Variants in REG3G observed in about 807,000 individuals in gnomAD.
REG3G encodes the protein regenerating family member 3 gamma.
In REG3G, 19 loss-of-function variants were observed where a neutral mutation model predicts 20.9. The observed-to-expected ratio is 0.91, with a 90% confidence interval of 0.64 to 1.34. The LOEUF is 1.34. Ranked by LOEUF, REG3G falls within the 40% of genes most tolerant of loss-of-function variation. The probability of loss-of-function intolerance (pLI) is 0.00; values close to 1 mark genes in which losing one functional copy is unlikely to be tolerated. For synonymous variants in REG3G, 89 were observed against 77.4 expected (o/e 1.15, Z -0.79); for missense variants, 235 against 205.0 (o/e 1.15, Z -0.89).
intron 4 of REG3G, 33 bp downstream of exon 4, chr2:79,027,204 T>C: frequency 6.2e-7 from 1 of 1,610,404 alleles, no homozygotes; most frequent in Non-Finnish European, 8.5e-7. Flanking sequence ...CTGTTACCTC[T>C]CAAGGTACTG....
At chr2:79,026,190 G>T (rs766265076) in intron 2 of REG3G, 21 bp downstream of exon 2, 1 of 1,612,412 alleles carries the variant, frequency 6.2e-7, no homozygotes, top group East Asian at 2.2e-5. Context: ...TCTGCCTCTA[G>T]CACTGGGTTC....
In REG3G at chr2:79,027,072, T is replaced by C. The variant is rs1422407653; in HGVS notation, c.234T>C (p.Ser78=). The stretch of plus-strand genomic sequence containing the variant: ...AGCGGCCCTCTGGAAAACTGGTGTC[T>C]GTGCTCAGTGGGGCTGAGGGATCCT... ...CQKRPSGKLV[S]VLSGAEGSFV... Residue 78 remains serine (S), a synonymous_variant, in exon 4 of 6, where the codon TCT becomes TCC. Transcript: ENST00000272324. 1.2e-6 allele frequency: 2 copies of C among 1,614,006 alleles called. No individual in the cohort carries two copies. Among genetic ancestry groups the C allele is most frequent in the Non-Finnish European group, 1.7e-6 (2 of 1,180,000 alleles).
intron 4 of REG3G, 47 bp downstream of exon 4, chr2:79,027,218 T>C: frequency 1.9e-6 from 3 of 1,599,778 alleles, no homozygotes; most frequent in South Asian, 1.1e-5. Flanking sequence ...GGTACTGTTG[T>C]TGCCCAGGCG....
Position 79,026,175 on chromosome 2 carries a change from AT to A in REG3G, c.76+9del. 1.2e-6 allele frequency: 2 copies of A among 1,613,696 alleles called. No individual in the cohort carries two copies. The highest frequency in any genetic ancestry group is 1.7e-6 in the Non-Finnish European group (2 of 1,179,736). ...TCTCCTGTGTCAGGTTCAAGGTGAG[AT>A]TTCTCTGCCTCTAGCACTGGGTTCC... On this transcript the variant is annotated splice_region_variant and intron_variant, in intron 2 of 5. Coordinates refer to ENST00000272324, the MANE Select transcript of REG3G (RefSeq NM_001008387.3).
chr2:79,027,242 C>A lies in REG3G; in HGVS notation c.333+71C>A, dbSNP rs185941694. ...GTTGCCCAGGCGCACTCCCTGTCCC[C>A]AGTCCCTGCCCAGGAAGTACTTTAG... On this transcript the variant is annotated intron_variant, in intron 4 of 5. Coordinates refer to ENST00000272324, the MANE Select transcript of REG3G (RefSeq NM_001008387.3). 3.1e-3 allele frequency: 4,736 copies of A among 1,513,438 alleles called. 11 individuals carry two copies. The highest frequency in any genetic ancestry group is 5.9e-3 in the Middle Eastern group (33 of 5,640). The allele number at this position is 1,513,438 out of a possible 1,614,324, so 93.8% of individuals were successfully genotyped here.
rs1671680925 is a variant in REG3G at position 79,028,406 on chromosome 2, CCTT to C, written c.*134_*136del. The C allele has an allele frequency of 1.7e-6, 1 of 605,504 alleles. No homozygotes were observed. The highest frequency in any genetic ancestry group is 2.7e-5 in the East Asian group (1 of 36,532). 37.5% of individuals were successfully genotyped at this position (605,504 alleles called of 1,614,324 possible). ...TACCTGACTACCTTGTCATGATCCT[CCTT>C]CTTTTTCCTTTTTCTTCACCTTCAT... On this transcript the variant is annotated 3_prime_UTR_variant, in exon 6 of 6. Transcript: ENST00000272324.
chr2:79,026,022 G>C lies in REG3G; in HGVS notation c.-72G>C, dbSNP rs547340066. ...AGAAGGAAAAAGACAAGAGGCAGTAGGATATCTGTGTGTCCTCCCGCTGAC... is the reference window on the plus strand; with the variant it reads ...AGAAGGAAAAAGACAAGAGGCAGTACGATATCTGTGTGTCCTCCCGCTGAC... On this transcript the variant is annotated 5_prime_UTR_variant, in exon 2 of 6. Transcript: ENST00000272324. The C allele has an allele frequency of 6.3e-5, 90 of 1,425,914 alleles. No homozygotes were observed. In the African/African-American group the frequency reaches 1.2e-3, roughly 19 times the overall value. 88.3% of individuals were successfully genotyped at this position (1,425,914 alleles called of 1,614,324 possible).
Position 79,027,904 on chromosome 2 carries a change from G to C in REG3G, c.431G>C (p.Gly144Ala). The change falls in exon 5 of 6, where the codon GGC (glycine) becomes GCC (alanine). Residue 144 changes from glycine (G) to alanine (A), a missense_variant. By Grantham distance (60) the Gly-to-Ala change is moderately conservative. Transcript: ENST00000272324. ...AATCCCTCCACCATCTTAAACCCTGGCCACTGTGGGAGCCTGTCAAGAAGC... is the reference window on the plus strand; with the variant it reads ...AATCCCTCCACCATCTTAAACCCTGCCCACTGTGGGAGCCTGTCAAGAAGC... ...EKNPSTILNP[G>A]HCGSLSRSTG... is the part of the protein sequence containing the mutation. 6.2e-7 allele frequency: 1 copy of C among 1,614,004 alleles called. No individual in the cohort carries two copies. The highest frequency in any genetic ancestry group is 8.5e-7 in the Non-Finnish European group (1 of 1,179,968).
intron 4 of REG3G, 105 bp from the exon 5 acceptor site, chr2:79,027,702 A>G (rs755309010): frequency 7.2e-6 from 10 of 1,393,524 alleles, no homozygotes; most frequent in Non-Finnish European, 1.0e-5. Flanking sequence ...AGATCAGACC[A>G]AAATCCCTGA....
chr2:79,028,387 A>G lies in REG3G; in HGVS notation c.*111A>G, dbSNP rs1474634812. On this transcript the variant is annotated 3_prime_UTR_variant, in exon 6 of 6. Coordinates refer to ENST00000272324, the MANE Select transcript of REG3G (RefSeq NM_001008387.3). The stretch of plus-strand genomic sequence containing the variant: ...TATTCTCCCCAAACTGCCCTACCTG[A>G]CTACCTTGTCATGATCCTCCTTCTT... 6 of 717,322 alleles carry G rather than the reference A, an allele frequency of 8.4e-6. No homozygotes were observed. Among genetic ancestry groups the G allele is most frequent in the Non-Finnish European group, 1.5e-5 (6 of 399,262 alleles). 44.4% of individuals were successfully genotyped at this position (717,322 alleles called of 1,614,324 possible). A position where few individuals can be genotyped will look rare whatever the true frequency, so the allele number is the denominator to read the frequency against.
chr2:79,027,688 TG>T, intron 4 of REG3G, 118 bp from the exon 5 acceptor site: 1 of 1,162,822 alleles, frequency 8.6e-7, no homozygotes, highest in Non-Finnish European at 1.2e-6. Flanking sequence ...GGGCAGCATC[TG>T]GAAGATCAGA....
chr2:79,027,273 A>G (rs1358439878), intron 4 of REG3G, 102 bp downstream of exon 4: 10 of 1,257,880 alleles, frequency 7.9e-6, no homozygotes, highest in Non-Finnish European at 1.1e-5. Flanking sequence ...TTTAGGGAGC[A>G]CTGGAGCTCA....
Position 79,027,863 on chromosome 2 carries a change from C to T in REG3G, c.390C>T (p.Tyr130=). 4.3e-6 allele frequency: 7 copies of T among 1,614,056 alleles called. No individual in the cohort carries two copies. Among genetic ancestry groups the T allele is most frequent in the Non-Finnish European group, 5.9e-6 (7 of 1,179,976 alleles). ...WEWSSTDVMN[Y]FAWEKNPSTI... ...GGAGTAGCACTGATGTGATGAATTA[C>T]TTTGCATGGGAGAAAAATCCCTCCA... Residue 130 remains tyrosine, a synonymous_variant, in exon 5 of 6, where the codon TAC becomes TAT. Coordinates refer to ENST00000272324, the MANE Select transcript of REG3G (RefSeq NM_001008387.3).
At chr2:79,025,899 G>A (rs1671605194) in intron 1 of REG3G, 84 bp from the exon 2 acceptor site, 2 of 585,612 alleles carry the variant, frequency 3.4e-6, no homozygotes, top group African/African-American at 1.9e-5. Flanking sequence ...GCTGTACTGG[G>A]AGGTCTCAGG....
At chr2:79,026,635 G>A (rs1671625520) in intron 2 of REG3G, 78 bp from the exon 3 acceptor site, 1 of 1,168,678 alleles carries the variant, frequency 8.6e-7, no homozygotes. Context: ...CCCAAGGGCA[G>A]ACCTAGATAT....
intron 2 of REG3G, 104 bp from the exon 3 acceptor site, chr2:79,026,609 G>A: frequency 2.3e-6 from 2 of 868,614 alleles, no homozygotes; most frequent in South Asian, 1.6e-5. Context: ...GAGCTGTCAG[G>A]AATGTGGTCT....
In REG3G at chr2:79,026,144, C is replaced by T. The variant is rs760412018; in HGVS notation, c.51C>T (p.Cys17=). The change falls in exon 2 of 6, where the codon TGC becomes TGT. Residue 17 remains cysteine, a synonymous_variant. Transcript: ENST00000272324. ...LPSVSWMLLS[C]LILLCQVQGE... ...GTGTGTCCTGGATGCTGCTTTCCTGCCTCATTCTCCTGTGTCAGGTTCAAG... is the reference window on the plus strand; with the variant it reads ...GTGTGTCCTGGATGCTGCTTTCCTGTCTCATTCTCCTGTGTCAGGTTCAAG... 196 of 1,613,860 alleles carry T rather than the reference C, an allele frequency of 1.2e-4. No homozygotes were observed. The highest frequency in any genetic ancestry group is 1.6e-4 in the Non-Finnish European group (193 of 1,179,880).
Position 79,027,130 on chromosome 2 carries a change from A to G in REG3G, c.292A>G (p.Ser98Gly), listed in dbSNP as rs773293785. ...VSSLVRSISN[S>G]YSYIWIGLHD... ...CTCCCTGGTGAGGAGCATTAGTAAC[A>G]GCTATTCATACATCTGGATTGGGCT... The change falls in exon 4 of 6, where the codon AGC becomes GGC. Residue 98 changes from serine to glycine, a missense_variant. Coordinates refer to ENST00000272324, the MANE Select transcript of REG3G (RefSeq NM_001008387.3). 18 of 1,613,400 alleles carry G rather than the reference A, an allele frequency of 1.1e-5. No individual in the cohort carries two copies. In the South Asian group the frequency reaches 1.5e-4, roughly 14 times the overall value.
At chr2:79,026,241 G>T in intron 2 of REG3G, 72 bp downstream of exon 2, 1 of 1,448,658 alleles carries the variant, frequency 6.9e-7, no homozygotes, top group Admixed American at 1.7e-5. Flanking sequence ...GAAGGCTCCT[G>T]TGTGTCACGT....
Sources: gnomAD v4.1 joint callset for allele counts on GRCh38, gnomAD v4.1.1 for gene constraint, MANE v1.5 for transcripts, NCBI Gene and HGNC (gene_info 2026-07-23, HGNC 2026-07-21) for gene names.